Variants in SMG1 observed in about 807,000 individuals in gnomAD.
SMG1 encodes the protein serine/threonine-protein kinase SMG1.
In SMG1, 22 loss-of-function variants were observed where a neutral mutation model predicts 419.9. The observed-to-expected ratio is 0.05, with a 90% CI of 0.04 to 0.07. The LOEUF is 0.07. Among genes scored for constraint, SMG1 ranks in the 10% least tolerant of loss-of-function variants. SMG1 has a pLI of 1.00. For synonymous variants in SMG1, 1,538 were observed against 1,553.5 expected (o/e 0.99, Z 0.23); for missense variants, 3,185 against 4,342.0 (o/e 0.73, Z 7.49).
chr16:18,810,752 T>C (rs548865008), intron 62 of SMG1, among the ~76,000 whole-genome samples: 3 of 152,316 alleles, frequency 2.0e-5, no homozygotes, highest in Non-Finnish European at 2.9e-5. Context: ...ATTACAACAA[T>C]GTTAAGTTTC....
intron 6 of SMG1, among the ~76,000 whole-genome samples, chr16:18,887,522 T>TTTTTTTTTG (rs1296652016): frequency 5.0e-5 from 7 of 140,870 alleles, no homozygotes; most frequent in East Asian, 2.0e-4. Flanking sequence ...TTTCCTTTTT[T>TTTTTTTTTG]TTTTTTTTTT....
At chr16:18,812,631 CAT>C (rs1259941315) in intron 60 of SMG1, among the ~76,000 whole-genome samples, 4 of 135,178 alleles carry the variant, frequency 3.0e-5, no homozygotes, top group Middle Eastern at 3.9e-3. Flanking sequence ...TATATATACA[CAT>C]ATATATACAC....
At chr16:18,912,011 G>A (rs1224816355) in intron 1 of SMG1, among the ~76,000 whole-genome samples, 1 of 151,116 alleles carries the variant, frequency 6.6e-6, no homozygotes, top group African/African-American at 2.4e-5. Context: ...AACCCGGGAG[G>A]TGGAGATTGC....
At chr16:18,819,207 T>C (rs557679103) in intron 56 of SMG1, among the ~76,000 whole-genome samples, 6 of 152,362 alleles carry the variant, frequency 3.9e-5, no homozygotes, top group Non-Finnish European at 7.3e-5. Context: ...ACTTTAGTTG[T>C]ATAAAAGAGA....
Position 18,864,144 on chromosome 16 carries a change from C to A in SMG1, c.3351G>T (p.Arg1117Ser). The change falls in exon 24 of 63, where the codon AGG (arginine) becomes AGT (serine). Residue 1117 changes from arginine to serine, a missense_variant and splice_region_variant. Physicochemically the swap from Arg to Ser is moderately radical, Grantham distance 110. Around this residue, in one of 27 missense-constraint regions of SMG1, gnomAD observed 121 missense variants for 125.4 expected, o/e 0.96. Transcript: ENST00000446231. ...INSVAQQAEG[R>S]FEKASVEYQE... ...GGTACTCCACAGAGGCCTTTTCAAA[C>A]CTGAAAAGCAAATTGAAGCAGTCTT... The A allele has an allele frequency of 6.7e-7, 1 of 1,496,236 alleles. No individual in the cohort carries two copies. The highest frequency in any genetic ancestry group is 8.9e-7 in the Non-Finnish European group (1 of 1,120,434). 92.7% of individuals were successfully genotyped at this position (1,496,236 alleles called of 1,614,324 possible).
chr16:18,860,331 TAA>T (rs2035149247), intron 26 of SMG1, among the ~76,000 whole-genome samples: 1 of 152,272 alleles, frequency 6.6e-6, no homozygotes, highest in African/African-American at 2.4e-5. Flanking sequence ...TAACATTTTA[TAA>T]AGTGTTCTAT....
chr16:18,859,263 T>C (rs892343479), intron 27 of SMG1, 82 bp from the exon 28 acceptor site: 8 of 1,078,248 alleles, frequency 7.4e-6, no homozygotes, highest in East Asian at 2.6e-5. Context: ...TAAGATGCTA[T>C]CAAACTGACA....
chr16:18,847,645 C>G lies in SMG1; in HGVS notation c.5842-38G>C, dbSNP rs2034342993. On this transcript the variant is annotated intron_variant, in intron 37 of 62. Coordinates refer to ENST00000446231, the MANE Select transcript of SMG1 (RefSeq NM_015092.5). ...CACACCCAAATAGCTCATCTACAAG[C>G]CTATGCACAGCACAGCTCTTCAAAC... 4 of 1,612,592 alleles carry G rather than the reference C, an allele frequency of 2.5e-6. No homozygotes were observed. In the African/African-American group the frequency reaches 5.3e-5, roughly 22 times the overall value.
intron 7 of SMG1, 85 bp downstream of exon 7, chr16:18,885,456 T>C (rs1045555728): frequency 3.4e-5 from 52 of 1,519,876 alleles, no homozygotes; most frequent in African/African-American, 8.2e-5. Flanking sequence ...AGCTGAGGCA[T>C]TGTTTTCCAT....
intron 62 of SMG1, among the ~76,000 whole-genome samples, chr16:18,811,001 T>C (rs1567305888): frequency 1.3e-5 from 2 of 152,202 alleles, no homozygotes; most frequent in Non-Finnish European, 2.9e-5. Context: ...CAAATTTATA[T>C]ATTCAATATT....
intron 31 of SMG1, 54 bp downstream of exon 31, chr16:18,853,529 G>GA: frequency 7.8e-6 from 11 of 1,415,792 alleles, no homozygotes; most frequent in Non-Finnish European, 1.0e-5. Context: ...CTTTAAAACA[G>GA]AAAAAAATAT....
chr16:18,883,657 G>A (rs1465964105), intron 9 of SMG1, among the ~76,000 whole-genome samples: 3 of 152,124 alleles, frequency 2.0e-5, no homozygotes, highest in Non-Finnish European at 4.4e-5. Flanking sequence ...GGGGGCTCAC[G>A]CCTATAATCC....
intron 50 of SMG1, among the ~76,000 whole-genome samples, chr16:18,833,968 C>A (rs1257734551): frequency 6.6e-6 from 1 of 152,148 alleles, no homozygotes; most frequent in Admixed American, 6.5e-5. Flanking sequence ...GCTTGATGAA[C>A]ACTTGACTTG....
intron 26 of SMG1, among the ~76,000 whole-genome samples, chr16:18,860,249 T>C (rs1341986012): frequency 1.3e-5 from 2 of 152,142 alleles, no homozygotes; most frequent in African/African-American, 4.8e-5. Context: ...GTCAATCTAC[T>C]ATTTAAGGGG....
rs1228777973 is a variant in SMG1 at position 18,869,120 on chromosome 16, G to A, written c.2817C>T (p.Thr939=). ...GTGAGTTACCTTCAATTGTCTGGAA[G>A]GTGTCTTGAGCTCTGCCCAGTGGGG... The part of the protein sequence containing the change: ...LRTPLGRAQD[T]FQTIEGIIRS... The change falls in exon 20 of 63, where the codon ACC becomes ACT. Residue 939 remains threonine (T), a synonymous_variant. Transcript: ENST00000446231. The A allele has an allele frequency of 1.2e-6, 2 of 1,611,270 alleles. No individual in the cohort carries two copies. Among genetic ancestry groups the A allele is most frequent in the South Asian group, 1.1e-5 (1 of 90,960 alleles).
intron 8 of SMG1, among the ~76,000 whole-genome samples, 169 bp from the exon 9 acceptor site, chr16:18,884,336 A>C (rs556364769): frequency 6.6e-6 from 1 of 152,218 alleles, no homozygotes; most frequent in Non-Finnish European, 1.5e-5. Context: ...TGCTGATCAC[A>C]ATTAACCAAT....
At chr16:18,818,886 G>C (rs976056828) in intron 56 of SMG1, among the ~76,000 whole-genome samples, 5 of 140,386 alleles carry the variant, frequency 3.6e-5, no homozygotes, top group Admixed American at 7.6e-5. Context: ...GCACGATCTT[G>C]GATCACTGGA....
intron 33 of SMG1, 135 bp from the exon 34 acceptor site, chr16:18,850,602 G>A (rs558593697): frequency 3.8e-4 from 237 of 618,990 alleles, no homozygotes; most frequent in Non-Finnish European, 5.7e-4. Flanking sequence ...GTTATACACA[G>A]TAAGTCAATG....
At chr16:18,832,437 T>C (rs958597149) in intron 51 of SMG1, among the ~76,000 whole-genome samples, 8 of 152,244 alleles carry the variant, frequency 5.3e-5, no homozygotes, top group African/African-American at 1.7e-4. Flanking sequence ...GTGTGTACTC[T>C]GTTAGCTAAA....
Sources: allele counts gnomAD v4.1 joint callset (sites outside exome capture counted in the v4.1 genomes callset), GRCh38; gene constraint gnomAD v4.1.1; regional missense constraint gnomAD v4.1.1; transcripts MANE v1.5; gene names NCBI Gene and HGNC (gene_info 2026-07-23, HGNC 2026-07-21).